GPC5: variants seen among roughly 807,000 people sequenced by gnomAD.
GPC5 encodes glypican-5.
In GPC5, 47 loss-of-function variants were observed where a neutral mutation model predicts 53.9. The ratio of observed to expected loss-of-function variants is 0.87; its 90% CI spans 0.69 to 1.11. GPC5 has a LOEUF of 1.11. Among genes scored for constraint, GPC5 ranks in the 50% most tolerant of loss-of-function variants. GPC5 has a pLI of 0.00. For missense variants in GPC5, 748 were observed against 713.1 expected (o/e 1.05, Z -0.56); for synonymous variants, 286 against 263.3 (o/e 1.09, Z -0.84).
intron 2 of GPC5, among the ~76,000 whole-genome samples, chr13:91,519,250 GTAAA>G (rs1885674066): frequency 6.6e-6 from 1 of 152,166 alleles, no homozygotes; most frequent in African/African-American, 2.4e-5. Context: ...CCAGTGGGAA[GTAAA>G]TAAAAACTGA....
At chr13:91,649,304 T>C (rs16946386) in intron 2 of GPC5, among the ~76,000 whole-genome samples, 9,888 of 152,226 alleles carry the variant, frequency 0.065, 1,083 homozygotes, top group African/African-American at 0.22. Flanking sequence ...GGTGACATCT[T>C]TCTCTGTTCT....
chr13:92,691,803 A>G (rs1024361535), intron 7 of GPC5, among the ~76,000 whole-genome samples: 4 of 151,656 alleles, frequency 2.6e-5, no homozygotes, highest in African/African-American at 9.7e-5. Flanking sequence ...ACTACAAGAT[A>G]CTTTATAGTG....
chr13:92,107,823 A>G (rs1332182506), intron 6 of GPC5, among the ~76,000 whole-genome samples: 2 of 152,194 alleles, frequency 1.3e-5, no homozygotes, highest in Admixed American at 6.6e-5. Flanking sequence ...CCTCATTACT[A>G]GAAATGCTGC....
chr13:91,872,538 A>T (rs2039157652), intron 5 of GPC5, among the ~76,000 whole-genome samples: 2 of 152,140 alleles, frequency 1.3e-5, no homozygotes, highest in South Asian at 4.1e-4. Context: ...TATTATAATC[A>T]AGAAAATTAA....
In GPC5 at chr13:91,747,360, G is replaced by A. The variant is rs116974023; in HGVS notation, c.1155-8935G>A. ...ACTGTTGGCCTCAAGGGCATGGGAA[G>A]CAATGAAGCAATAACTATGCTAGTC... On this transcript the variant is annotated intron_variant, in intron 4 of 7. Transcript: ENST00000377067. Among the ~76,000 whole-genome samples the A allele has an allele frequency of 2.5e-3, 374 of 152,260 alleles. 6 individuals carry two copies. In the East Asian group the frequency reaches 0.058, roughly 24 times the overall value.
At chr13:92,008,795 T>C (rs779983449) in intron 6 of GPC5, among the ~76,000 whole-genome samples, 2 of 152,190 alleles carry the variant, frequency 1.3e-5, no homozygotes, top group Non-Finnish European at 2.9e-5. Flanking sequence ...AAAATTACAG[T>C]TTCACATATG....
chr13:92,819,308 T>C (rs1231911983), intron 7 of GPC5, among the ~76,000 whole-genome samples: 1 of 150,414 alleles, frequency 6.6e-6, no homozygotes, highest in Admixed American at 6.6e-5. Flanking sequence ...CATACAATGT[T>C]CTATATGTGG....
intron 5 of GPC5, among the ~76,000 whole-genome samples, chr13:91,875,415 A>G (rs1226169508): frequency 2.0e-5 from 3 of 152,226 alleles, no homozygotes; most frequent in Non-Finnish European, 2.9e-5. Flanking sequence ...TTTTGTTTTA[A>G]TCAAGAGAAT....
chr13:91,554,236 AATATACAC>A (rs1480645316), intron 2 of GPC5, among the ~76,000 whole-genome samples: 3 of 151,924 alleles, frequency 2.0e-5, no homozygotes, highest in Non-Finnish European at 4.4e-5. Flanking sequence ...CATAAAGGTG[AATATACAC>A]ATAGACACAC....
At chr13:92,471,024 G>T (rs1878888951) in intron 7 of GPC5, among the ~76,000 whole-genome samples, 1 of 152,104 alleles carries the variant, frequency 6.6e-6, no homozygotes, top group Non-Finnish European at 1.5e-5. Context: ...GAGACTGACT[G>T]TCATGTGACG....
intron 7 of GPC5, chr13:92,239,811 C>A (rs2042596595): frequency 3.2e-5 from 1 of 30,966 alleles, no homozygotes; most frequent in Non-Finnish European, 7.9e-5. Flanking sequence ...TGCTTTTATA[C>A]ATATTAAAGT....
At chr13:92,470,508 A>G (rs540290643) in intron 7 of GPC5, among the ~76,000 whole-genome samples, 1 of 152,210 alleles carries the variant, frequency 6.6e-6, no homozygotes, top group African/African-American at 2.4e-5. Flanking sequence ...TAGCCCTAAA[A>G]CATCCAGGTC....
chr13:92,509,657 G>A lies in GPC5; in HGVS notation c.1562-356625G>A, dbSNP rs112295340. The A allele has an allele frequency of 2.1e-3, 325 of 152,176 alleles. 2 individuals are homozygous for A. Among genetic ancestry groups the A allele is most frequent in the African/African-American group, 7.6e-3 (316 of 41,508 alleles). The allele number at this position is 152,176 out of a possible 1,614,324, so 9.4% of individuals were successfully genotyped here. On this transcript the variant is annotated intron_variant, in intron 7 of 7. Coordinates refer to ENST00000377067, the MANE Select transcript of GPC5 (RefSeq NM_004466.6). ...ATCAAAGTTAACAGTATGGTGATAC[G>A]GCATCCAAGGAAGACAGAAATAACT...
intron 5 of GPC5, among the ~76,000 whole-genome samples, chr13:91,762,368 CT>C (rs1399895871): frequency 6.7e-6 from 1 of 149,010 alleles, no homozygotes; most frequent in African/African-American, 2.5e-5. Context: ...TTCAATCTTT[CT>C]TTTTTCTTCC....
chr13:92,156,796 T>C (rs1320579272), intron 7 of GPC5, among the ~76,000 whole-genome samples: 1 of 152,110 alleles, frequency 6.6e-6, no homozygotes, highest in Non-Finnish European at 1.5e-5. Flanking sequence ...TTGATGCTCT[T>C]CCTTTTTGAT....
At chr13:91,784,575 TTA>T (rs1302606399) in intron 5 of GPC5, among the ~76,000 whole-genome samples, 1 of 151,992 alleles carries the variant, frequency 6.6e-6, no homozygotes, top group African/African-American at 2.4e-5. Flanking sequence ...AAATACAAAA[TTA>T]GCCAGGCATG....
intron 2 of GPC5, among the ~76,000 whole-genome samples, chr13:91,567,744 C>A (rs752035002): frequency 6.6e-6 from 1 of 152,174 alleles, no homozygotes; most frequent in Non-Finnish European, 1.5e-5. Flanking sequence ...AACTGCAGTC[C>A]TCTCCCAATC....
At chr13:91,668,605 A>G (rs2035172208) in intron 2 of GPC5, among the ~76,000 whole-genome samples, 1 of 152,102 alleles carries the variant, frequency 6.6e-6, no homozygotes. Flanking sequence ...CTTTTGATGT[A>G]TATTCTCTAA....
At chr13:92,724,732 T>C (rs1413452273) in intron 7 of GPC5, among the ~76,000 whole-genome samples, 1 of 151,572 alleles carries the variant, frequency 6.6e-6, no homozygotes, top group Non-Finnish European at 1.5e-5. Context: ...AATGGGGAAT[T>C]GTTCAATGAG....
Sources: gnomAD v4.1 joint callset for allele counts (sites outside exome capture counted in the v4.1 genomes callset) on GRCh38, gnomAD v4.1.1 for gene constraint, MANE v1.5 for transcripts, NCBI Gene and HGNC (gene_info 2026-07-23, HGNC 2026-07-21) for gene names.